Variants in TMEFF1 observed in about 807,000 individuals in gnomAD.
The protein encoded by TMEFF1 is transmembrane protein with EGF like and two follistatin like domains 1.
Under a neutral mutation model 47.5 loss-of-function variants are expected in TMEFF1, and 20 were observed. The ratio of observed to expected loss-of-function variants is 0.42; its 90% CI spans 0.30 to 0.61. The LOEUF (loss-of-function observed/expected upper bound fraction) is 0.61, where lower values mean the gene tolerates loss of function less well. TMEFF1 is among the 20% of genes least tolerant of loss of function. The probability of loss-of-function intolerance (pLI) is 0.19; values close to 1 mark genes in which losing one functional copy is unlikely to be tolerated. For synonymous variants in TMEFF1, 162 were observed against 166.3 expected, an observed-to-expected ratio of 0.97 and a Z score of 0.20; for missense variants, 411 against 471.1, an observed-to-expected ratio of 0.87 and a Z score of 1.18.
intron 1 of TMEFF1, among the ~76,000 whole-genome samples, chr9:100,484,665 C>T (rs1242648301): frequency 6.6e-6 from 1 of 151,574 alleles, no homozygotes; most frequent in Non-Finnish European, 1.5e-5. Context: ...CCCCACCTCT[C>T]CTCATCCAGC....
chr9:100,555,095 T>G (rs1309586356), intron 7 of TMEFF1, among the ~76,000 whole-genome samples: 2 of 152,110 alleles, frequency 1.3e-5, no homozygotes, highest in Non-Finnish European at 2.9e-5. Flanking sequence ...TGGATTTGTT[T>G]CTGAATGCCT....
At chr9:100,563,646 A>G (rs944763811) in intron 8 of TMEFF1, among the ~76,000 whole-genome samples, 4 of 152,236 alleles carry the variant, frequency 2.6e-5, no homozygotes, top group Non-Finnish European at 4.4e-5. Context: ...TAAAGTGCTT[A>G]GCCTGATACC....
At chr9:100,518,895 G>A (rs1838114819) in intron 5 of TMEFF1, among the ~76,000 whole-genome samples, 1 of 152,048 alleles carries the variant, frequency 6.6e-6, no homozygotes, top group Admixed American at 6.6e-5. Context: ...ATCCAGCTGG[G>A]CCGTTTAGGT....
chr9:100,513,400 T>C lies in TMEFF1; in HGVS notation c.463+67T>C, dbSNP rs1026568173. 1.7e-4 allele frequency: 262 copies of C among 1,505,154 alleles called. 1 individual carries two copies. Among genetic ancestry groups the C allele is most frequent in the Non-Finnish European group, 1.3e-4 (146 of 1,129,792 alleles). The allele number at this position is 1,505,154 out of a possible 1,614,324, so 93.2% of individuals were successfully genotyped here. A position where few individuals can be genotyped will look rare whatever the true frequency, so the allele number is the denominator to read the frequency against. ...CTTTCTTTCTTTCTTTTTCTTTTTT[T>C]TTTTTTTTTTAAATCAGCTTTGAGA... On this transcript the variant is annotated intron_variant, in intron 4 of 9. Transcript: ENST00000374879.
At chr9:100,560,256 C>A (rs1564027713) in intron 7 of TMEFF1, among the ~76,000 whole-genome samples, 1 of 151,988 alleles carries the variant, frequency 6.6e-6, no homozygotes, top group African/African-American at 2.4e-5. Flanking sequence ...CTCCTTTAGT[C>A]CTCTCAAAAC....
intron 1 of TMEFF1, among the ~76,000 whole-genome samples, chr9:100,483,379 C>T (rs529050857): frequency 6.6e-6 from 1 of 152,180 alleles, no homozygotes; most frequent in African/African-American, 2.4e-5. Context: ...TGCCTGTAAT[C>T]CCAGCTACTC....
At chr9:100,548,037 T>G in intron 6 of TMEFF1, 145 bp downstream of exon 6, 1 of 1,008,262 alleles carries the variant, frequency 9.9e-7, no homozygotes, top group South Asian at 4.1e-5. Context: ...TCAGATTTTT[T>G]ATTACTAATT....
chr9:100,522,377 A>T (rs1838177154), intron 5 of TMEFF1, among the ~76,000 whole-genome samples: 1 of 151,962 alleles, frequency 6.6e-6, no homozygotes, highest in East Asian at 1.9e-4. Flanking sequence ...TATTTTATCC[A>T]AAGTATAATC....
At chr9:100,513,231 A>G (rs1838000698) in intron 3 of TMEFF1, 76 bp from the exon 4 acceptor site, 1 of 1,565,134 alleles carries the variant, frequency 6.4e-7, no homozygotes, top group Admixed American at 2.1e-5. Flanking sequence ...TTTATTTTTG[A>G]TAGGAAATTT....
At chr9:100,521,683 C>A (rs1027375019) in intron 5 of TMEFF1, among the ~76,000 whole-genome samples, 3 of 152,174 alleles carry the variant, frequency 2.0e-5, no homozygotes, top group African/African-American at 7.2e-5. Flanking sequence ...CTTTTATATA[C>A]CCGACCTAAA....
chr9:100,527,253 A>G (rs533691944), intron 5 of TMEFF1, among the ~76,000 whole-genome samples: 1 of 152,226 alleles, frequency 6.6e-6, no homozygotes, highest in African/African-American at 2.4e-5. Context: ...ATGGCCGAAT[A>G]GGAACAGCTC....
intron 5 of TMEFF1, among the ~76,000 whole-genome samples, chr9:100,534,366 G>A (rs531315137): frequency 2.6e-5 from 4 of 152,028 alleles, no homozygotes; most frequent in African/African-American, 9.7e-5. Context: ...AATTGTCAGG[G>A]TTAGATGAGG....
chr9:100,545,894 C>T (rs575655168), intron 5 of TMEFF1, among the ~76,000 whole-genome samples: 1 of 152,286 alleles, frequency 6.6e-6, no homozygotes, highest in South Asian at 2.1e-4. Flanking sequence ...TAACAAGAGT[C>T]ACTTTGCTCC....
At chr9:100,532,226 C>A (rs533643587) in intron 5 of TMEFF1, among the ~76,000 whole-genome samples, 8 of 151,950 alleles carry the variant, frequency 5.3e-5, no homozygotes, top group African/African-American at 1.7e-4. Context: ...GCAACAAAAG[C>A]CAAAATTGAC....
At chr9:100,508,673 T>G (rs921928228) in intron 2 of TMEFF1, among the ~76,000 whole-genome samples, 2 of 152,030 alleles carry the variant, frequency 1.3e-5, no homozygotes, top group Non-Finnish European at 2.9e-5. Flanking sequence ...TAAATGAATT[T>G]TGATAATAAT....
intron 5 of TMEFF1, among the ~76,000 whole-genome samples, chr9:100,534,429 T>A (rs2118464540): frequency 6.6e-6 from 1 of 152,312 alleles, no homozygotes; most frequent in East Asian, 1.9e-4. Context: ...GTTAAATGTT[T>A]CAAATTCAGC....
chr9:100,489,377 A>C (rs115181782), intron 1 of TMEFF1, among the ~76,000 whole-genome samples: 2 of 152,008 alleles, frequency 1.3e-5, no homozygotes, highest in Non-Finnish European at 2.9e-5. Flanking sequence ...AGATTTTTGC[A>C]TGGGGGTTTC....
At chr9:100,541,328 A>G (rs1564023052) in intron 5 of TMEFF1, among the ~76,000 whole-genome samples, 1 of 146,238 alleles carries the variant, frequency 6.8e-6, no homozygotes, top group Non-Finnish European at 1.5e-5. Context: ...AAACCCTATC[A>G]TGGTGGATTT....
chr9:100,544,741 G>A (rs1271925093), intron 5 of TMEFF1, among the ~76,000 whole-genome samples: 2 of 152,198 alleles, frequency 1.3e-5, no homozygotes, highest in Non-Finnish European at 2.9e-5. Context: ...AGTCCTTTCT[G>A]CCTATAAGCC....
Sources: allele counts gnomAD v4.1 joint callset (sites outside exome capture counted in the v4.1 genomes callset), GRCh38; gene constraint gnomAD v4.1.1; transcripts MANE v1.5; gene names NCBI Gene and HGNC (gene_info 2026-07-23, HGNC 2026-07-21).